COG3: variants seen among roughly 807,000 people sequenced by gnomAD.
COG3 encodes the protein conserved oligomeric Golgi complex subunit 3.
Under a neutral mutation model 114.1 loss-of-function variants are expected in COG3, and 32 were observed. The ratio of observed to expected loss-of-function variants is 0.28; its 90% CI spans 0.21 to 0.38. COG3 has a LOEUF of 0.38. COG3 is among the 10% of genes least tolerant of loss of function. COG3 has a pLI of 1.00. For synonymous variants in COG3, 352 were observed against 365.7 expected, an observed-to-expected ratio of 0.96 and a Z score of 0.43; for missense variants, 813 against 973.2, an observed-to-expected ratio of 0.84 and a Z score of 2.19.
chr13:45,516,080 C>G, intron 16 of COG3, 63 bp from the exon 17 acceptor site: 1 of 1,225,572 alleles, frequency 8.2e-7, no homozygotes, highest in Non-Finnish European at 1.1e-6. Flanking sequence ...ATAATGTATG[C>G]TGTATATGCT....
intron 19 of COG3, among the ~76,000 whole-genome samples, chr13:45,521,895 C>G (rs533118168): frequency 6.6e-6 from 1 of 150,488 alleles, no homozygotes; most frequent in Non-Finnish European, 1.5e-5. Flanking sequence ...CTCTGCCTCC[C>G]GGGTCCAAGC....
chr13:45,483,769 G>A (rs1042298529), intron 7 of COG3, among the ~76,000 whole-genome samples: 1 of 152,056 alleles, frequency 6.6e-6, no homozygotes, highest in African/African-American at 2.4e-5. Context: ...ATCTCATAAT[G>A]CATAATTTAA....
intron 11 of COG3, among the ~76,000 whole-genome samples, chr13:45,493,120 C>T (rs1034506952): frequency 4.6e-5 from 7 of 152,088 alleles, no homozygotes; most frequent in African/African-American, 1.7e-4. Flanking sequence ...GGGGCAGCTA[C>T]TTTGAATTGA....
chr13:45,480,381 A>C, intron 4 of COG3, 91 bp downstream of exon 4: 4 of 929,502 alleles, frequency 4.3e-6, no homozygotes, highest in Non-Finnish European at 6.2e-6. Flanking sequence ...TAATTTCTCC[A>C]AGATGTTCAA....
Position 45,491,476 on chromosome 13 carries a change from C to T in COG3, c.1033C>T (p.Pro345Ser). The change falls in exon 10 of 23, where the codon CCT becomes TCT. Residue 345 changes from proline to serine, a missense_variant. Pro to Ser is a moderately conservative substitution (Grantham distance 74). This residue lies in a region of COG3 where 424 missense variants were observed against 430.6 expected (regional missense o/e 0.98). Coordinates refer to ENST00000349995, the MANE Select transcript of COG3 (RefSeq NM_031431.4). ...YLDQRELLLGPSIACTVAELT... is the reference protein window; with the variant it reads ...YLDQRELLLGSSIACTVAELT... ...TGATCAGCGGGAGCTCCTTTTGGGC[C>T]CTAGTATTGCTTGCACTGTTGCAGA... 11 of 1,613,542 alleles carry T rather than the reference C, an allele frequency of 6.8e-6. No homozygotes were observed. The highest frequency in any genetic ancestry group is 9.3e-6 in the Non-Finnish European group (11 of 1,179,672).
chr13:45,510,375 C>T (rs903208856), intron 15 of COG3, among the ~76,000 whole-genome samples: 1 of 152,072 alleles, frequency 6.6e-6, no homozygotes, highest in African/African-American at 2.4e-5. Context: ...AAGGACAGGC[C>T]CAGATCACCT....
chr13:45,518,300 A>C (rs772748344), intron 17 of COG3, among the ~76,000 whole-genome samples: 11 of 152,214 alleles, frequency 7.2e-5, no homozygotes, highest in Non-Finnish European at 1.5e-4. Flanking sequence ...CATAGATTCT[A>C]GTTAGTCTGG....
chr13:45,482,236 T>C (rs1167318160), intron 5 of COG3, 145 bp from the exon 6 acceptor site: 1 of 519,274 alleles, frequency 1.9e-6, no homozygotes, highest in Non-Finnish European at 3.4e-6. Flanking sequence ...GTGGGCTACA[T>C]TCGAGGATAT....
intron 17 of COG3, among the ~76,000 whole-genome samples, chr13:45,516,914 A>G (rs761500661): frequency 9.8e-5 from 15 of 152,300 alleles, no homozygotes; most frequent in Admixed American, 2.0e-4. Context: ...TAAATCAGTA[A>G]TCATGTAAGA....
At chr13:45,493,278 G>C in intron 11 of COG3, 69 bp from the exon 12 acceptor site, 1 of 1,261,818 alleles carries the variant, frequency 7.9e-7, no homozygotes, top group Non-Finnish European at 1.1e-6. Context: ...AAATCAATGA[G>C]GATTTCTAAA....
At chr13:45,501,243 A>C (rs746973397) in intron 13 of COG3, among the ~76,000 whole-genome samples, 1 of 152,220 alleles carries the variant, frequency 6.6e-6, no homozygotes, top group Non-Finnish European at 1.5e-5. Flanking sequence ...CAAAGTATCT[A>C]TGTAAATACT....
intron 16 of COG3, among the ~76,000 whole-genome samples, chr13:45,512,538 G>T (rs530566419): frequency 6.6e-6 from 1 of 152,144 alleles, no homozygotes; most frequent in East Asian, 1.9e-4. Context: ...TTGTCATGTT[G>T]CTCAGGCTGG....
At position 45,498,083 on chromosome 13, in the gene COG3, A is replaced by G. The variant is rs191195190; in HGVS notation, c.1488+1771A>G. ...ACAGTGTAGTTCCTTAATATCATCA[A>G]GTATCTAGAACTTATTTTTCAGATT... On this transcript the variant is annotated intron_variant, in intron 13 of 22. Transcript: ENST00000349995. Among the ~76,000 whole-genome samples the G allele has an allele frequency of 1.1e-3, 164 of 152,304 alleles. 2 individuals are homozygous for G. The highest frequency in any genetic ancestry group is 3.7e-3 in the African/African-American group (155 of 41,566).
chr13:45,507,805 C>T (rs1366034073), intron 14 of COG3, among the ~76,000 whole-genome samples: 8 of 147,596 alleles, frequency 5.4e-5, no homozygotes, highest in African/African-American at 2.0e-4. Flanking sequence ...TGTGGTGGCT[C>T]ATGCCTGTAA....
rs1426320793 is a variant in COG3, at chr13:45,536,623, CT to C, written c.*1893del. ...TTTTAAAAATAAAGATTTTTGCTTCCTACCTTGTCCTCACGTGTCTGATACG... is the reference window on the plus strand; with the variant it reads ...TTTTAAAAATAAAGATTTTTGCTTCCACCTTGTCCTCACGTGTCTGATACG... On this transcript the variant is annotated 3_prime_UTR_variant, in exon 23 of 23. Coordinates refer to ENST00000349995, the MANE Select transcript of COG3 (RefSeq NM_031431.4). 1 of 152,056 alleles carries C rather than the reference CT, an allele frequency of 6.6e-6. No individual in the cohort carries two copies. The highest frequency in any genetic ancestry group is 1.5e-5 in the Non-Finnish European group (1 of 68,004). The allele number at this position is 152,056 out of a possible 1,614,324, so 9.4% of individuals were successfully genotyped here.
intron 6 of COG3, among the ~76,000 whole-genome samples, chr13:45,482,816 T>A (rs2985953): frequency 0.37 from 55,575 of 152,080 alleles, 10,928 homozygotes; most frequent in Middle Eastern, 0.54. Context: ...GCCCGGTATT[T>A]CTTTGGAAAC....
intron 13 of COG3, among the ~76,000 whole-genome samples, chr13:45,502,647 G>A (rs967423547): frequency 6.6e-6 from 1 of 151,818 alleles, no homozygotes; most frequent in African/African-American, 2.4e-5. Context: ...AATTTCAATA[G>A]TTTTTTGGGT....
chr13:45,473,632 AATAAT>A (rs1885665509), intron 1 of COG3, among the ~76,000 whole-genome samples: 1 of 152,212 alleles, frequency 6.6e-6, no homozygotes, highest in African/African-American at 2.4e-5. Flanking sequence ...TGGGAATAAT[AATAAT>A]ATAATATCAG....
intron 22 of COG3, chr13:45,531,991 C>T (rs1313408481): frequency 6.6e-6 from 1 of 152,092 alleles, no homozygotes; most frequent in Non-Finnish European, 1.5e-5. Flanking sequence ...CTAATTAGAA[C>T]ATTTTCATTA....
Sources: allele counts gnomAD v4.1 joint callset (sites outside exome capture counted in the v4.1 genomes callset), GRCh38; gene constraint gnomAD v4.1.1; regional missense constraint gnomAD v4.1.1; transcripts MANE v1.5; gene names NCBI Gene and HGNC (gene_info 2026-07-23, HGNC 2026-07-21).